SHANK2: variants seen among roughly 807,000 people sequenced by gnomAD.
SHANK2 encodes the protein SH3 and multiple ankyrin repeat domains protein 2.
In SHANK2, 43 loss-of-function variants were observed where a neutral mutation model predicts 133.7. The observed-to-expected ratio is 0.32, with a 90% CI of 0.25 to 0.41. The LOEUF (loss-of-function observed/expected upper bound fraction) is 0.41, where lower values mean the gene tolerates loss of function less well. SHANK2 is among the 10% of genes least tolerant of loss of function. The pLI, the probability that SHANK2 is intolerant of heterozygous loss-of-function variation, is 1.00. For synonymous variants in SHANK2, 1,017 were observed against 952.8 expected, an observed-to-expected ratio of 1.07 and a Z score of -1.24; for missense variants, 1,994 against 2,235.8, an observed-to-expected ratio of 0.89 and a Z score of 2.18.
rs540345342 is a variant in SHANK2 at position 70,866,527 on chromosome 11, C to T, written c.1174+29974G>A. Among the ~76,000 whole-genome samples, 9 of 152,202 alleles carry T rather than the reference C, an allele frequency of 5.9e-5. No individual in the cohort carries two copies. In the South Asian group the frequency reaches 1.2e-3, roughly 21 times the overall value. On this transcript the variant is annotated intron_variant, in intron 11 of 25. Coordinates refer to ENST00000601538, the MANE Select transcript of SHANK2 (RefSeq NM_012309.5). ...CAAGTGTTCTTTTGTGTTGATGTTC[C>T]GGAAACTCAAAATTGCACTTTGCTG...
At chr11:70,529,388 G>A (rs889809432) in intron 17 of SHANK2, among the ~76,000 whole-genome samples, 7 of 152,210 alleles carry the variant, frequency 4.6e-5, no homozygotes, top group African/African-American at 1.4e-4. Context: ...CAGTGGAACC[G>A]GGCAGTTGGG....
At chr11:70,542,956 C>T (rs183923730) in intron 17 of SHANK2, among the ~76,000 whole-genome samples, 3 of 152,282 alleles carry the variant, frequency 2.0e-5, no homozygotes, top group South Asian at 2.1e-4. Flanking sequence ...CCCCCGGGAC[C>T]GCTGACCAAT....
intron 17 of SHANK2, among the ~76,000 whole-genome samples, chr11:70,623,931 GCAACAGAGACCC>G (rs2060868339): frequency 6.6e-6 from 1 of 152,196 alleles, no homozygotes; most frequent in African/African-American, 2.4e-5. Flanking sequence ...GGTGTGGACA[GCAACAGAGACCC>G]CACTGGGGAG....
intron 10 of SHANK2, among the ~76,000 whole-genome samples, chr11:70,900,387 TG>T (rs1343599875): frequency 1.3e-5 from 2 of 149,864 alleles, no homozygotes; most frequent in African/African-American, 4.9e-5. Context: ...ATTAGAAAAA[TG>T]ATGACTATGT....
intron 2 of SHANK2, among the ~76,000 whole-genome samples, chr11:71,185,098 G>T (rs1953643584): frequency 6.6e-6 from 1 of 152,134 alleles, no homozygotes; most frequent in Admixed American, 6.5e-5. Flanking sequence ...CCCCACCAGG[G>T]GTACCGGTGG....
chr11:70,556,262 T>C (rs1004895998), intron 17 of SHANK2, among the ~76,000 whole-genome samples: 4 of 152,270 alleles, frequency 2.6e-5, no homozygotes, highest in Non-Finnish European at 4.4e-5. Flanking sequence ...TGTCTGAATA[T>C]ATCACAGTTT....
intron 6 of SHANK2, among the ~76,000 whole-genome samples, chr11:71,099,129 C>G (rs915954864): frequency 2.0e-5 from 3 of 152,144 alleles, no homozygotes; most frequent in Non-Finnish European, 4.4e-5. Flanking sequence ...CAGTCCTCCT[C>G]TGAAACTGTC....
intron 17 of SHANK2, among the ~76,000 whole-genome samples, chr11:70,614,718 G>C (rs1761526879): frequency 6.6e-6 from 1 of 152,236 alleles, no homozygotes; most frequent in Non-Finnish European, 1.5e-5. Flanking sequence ...AATAGGCCTT[G>C]GGTCTGTTGC....
chr11:70,538,162 G>A lies in SHANK2; in HGVS notation c.2062-35231C>T, dbSNP rs115651222. ...CTGTCACCTCCCCAGCCTGAGGCCT[G>A]GGTAAGGCCAGAAAGCTGAGTCACC... is the stretch of plus-strand genomic sequence containing the variant. On this transcript the variant is annotated intron_variant, in intron 17 of 25. Coordinates refer to ENST00000601538, the MANE Select transcript of SHANK2 (RefSeq NM_012309.5). Among the ~76,000 whole-genome samples the A allele has an allele frequency of 9.3e-3, 1,422 of 152,326 alleles. 18 individuals carry two copies. Among genetic ancestry groups the A allele is most frequent in the African/African-American group, 0.032 (1,348 of 41,576 alleles).
intron 11 of SHANK2, among the ~76,000 whole-genome samples, chr11:70,835,862 C>T (rs188642176): frequency 6.4e-4 from 97 of 152,134 alleles, no homozygotes; most frequent in African/African-American, 2.2e-3. Flanking sequence ...CTAGACAAAC[C>T]CAGGCAGGAG....
At chr11:70,861,484 T>C (rs1037087510) in intron 11 of SHANK2, among the ~76,000 whole-genome samples, 6 of 152,236 alleles carry the variant, frequency 3.9e-5, no homozygotes, top group Non-Finnish European at 8.8e-5. Context: ...TACCTGCACC[T>C]GAACTTGCAT....
chr11:70,593,036 G>T (rs145617917), intron 17 of SHANK2, among the ~76,000 whole-genome samples: 1 of 152,182 alleles, frequency 6.6e-6, no homozygotes, highest in East Asian at 1.9e-4. Flanking sequence ...CCCTGGCCTC[G>T]CATGAAAAAC....
At chr11:71,084,458 G>A (rs2136015349) in intron 8 of SHANK2, among the ~76,000 whole-genome samples, 1 of 152,220 alleles carries the variant, frequency 6.6e-6, no homozygotes, top group East Asian at 1.9e-4. Flanking sequence ...GAACCCTGGA[G>A]TACACCTGCA....
At chr11:70,849,749 G>C (rs1565359805) in intron 11 of SHANK2, among the ~76,000 whole-genome samples, 1 of 152,134 alleles carries the variant, frequency 6.6e-6, no homozygotes, top group East Asian at 1.9e-4. Flanking sequence ...TCTGTTAATA[G>C]CTGCCATTTA....
chr11:70,590,036 T>C (rs1554987683), intron 17 of SHANK2, among the ~76,000 whole-genome samples: 1 of 152,168 alleles, frequency 6.6e-6, no homozygotes, highest in East Asian at 1.9e-4. Context: ...GCGCCTGTAG[T>C]TCCAGCTACT....
At position 70,635,766 on chromosome 11, in the gene SHANK2, A is replaced by AG. The variant is rs1565200082; in HGVS notation, c.2061+24061_2061+24062insC. 6.1e-5 allele frequency among the ~76,000 whole-genome samples: 9 copies of AG among 146,536 alleles called. No homozygotes were observed. The East Asian group carries it at 8.3e-4, about 14-fold the overall frequency. On this transcript the variant is annotated intron_variant, in intron 17 of 25. Coordinates refer to ENST00000601538, the MANE Select transcript of SHANK2 (RefSeq NM_012309.5). ...TACAAAGTATAACTGTAAAAAAAAAAAGGGGGGAGGAAGTGAATGGAGCAA... is the reference window on the plus strand; with the variant it reads ...TACAAAGTATAACTGTAAAAAAAAAAGAGGGGGGAGGAAGTGAATGGAGCAA...
chr11:70,624,976 C>T (rs1198299242), intron 17 of SHANK2, among the ~76,000 whole-genome samples: 1 of 152,198 alleles, frequency 6.6e-6, no homozygotes, highest in Non-Finnish European at 1.5e-5. Context: ...ACAAGACCAC[C>T]CTTCCTCAAT....
chr11:70,550,388 T>G (rs572177814), intron 17 of SHANK2, among the ~76,000 whole-genome samples: 147 of 152,314 alleles, frequency 9.7e-4, no homozygotes, highest in African/African-American at 2.9e-3. Flanking sequence ...GCCTGCTGCA[T>G]GCGTACCCCC....
intron 2 of SHANK2, among the ~76,000 whole-genome samples, chr11:71,167,013 G>C (rs1368600110): frequency 2.0e-5 from 3 of 147,760 alleles, no homozygotes; most frequent in African/African-American, 7.4e-5. Context: ...CTGCCTTCAA[G>C]CATCTGTTTA....
Sources: allele counts gnomAD v4.1 joint callset (sites outside exome capture counted in the v4.1 genomes callset), GRCh38; gene constraint gnomAD v4.1.1; transcripts MANE v1.5; gene names NCBI Gene and HGNC (gene_info 2026-07-23, HGNC 2026-07-21).